The following TNR variants were observed in gnomAD, a reference collection of about 807,000 sequenced individuals.
TNR encodes tenascin-R.
In TNR, 45 loss-of-function variants were observed where a neutral mutation model predicts 150.4. That is an observed-to-expected ratio of 0.30 (90% CI 0.24 to 0.38). The LOEUF is 0.38. Among genes scored for constraint, TNR ranks in the 10% least tolerant of loss-of-function variants. TNR has a pLI of 1.00. For synonymous variants in TNR, 687 were observed against 678.4 expected (o/e 1.01, Z -0.20); for missense variants, 1,544 against 1,759.1 (o/e 0.88, Z 2.19).
intron 2 of TNR, among the ~76,000 whole-genome samples, chr1:175,416,736 C>T (rs988544678): frequency 6.6e-5 from 10 of 152,212 alleles, no homozygotes; most frequent in South Asian, 4.1e-4. Context: ...GGGCCGGGTG[C>T]GGTGGCTCAC....
At chr1:175,673,750 G>A (rs757234594) in intron 1 of TNR, among the ~76,000 whole-genome samples, 1 of 152,212 alleles carries the variant, frequency 6.6e-6, no homozygotes, top group African/African-American at 2.4e-5. Context: ...CTGCTGGTAC[G>A]GGAGGGTAGA....
intron 2 of TNR, among the ~76,000 whole-genome samples, chr1:175,444,467 T>G (rs1401353271): frequency 2.6e-5 from 4 of 152,204 alleles, no homozygotes; most frequent in Admixed American, 6.5e-5. Context: ...CTGGGTTCCT[T>G]ACTCCTTGGT....
At chr1:175,383,646 G>A (rs1418218675) in intron 8 of TNR, among the ~76,000 whole-genome samples, 1 of 152,208 alleles carries the variant, frequency 6.6e-6, no homozygotes, top group Non-Finnish European at 1.5e-5. Context: ...TTAATTGCCT[G>A]TGCAATTAGT....
intron 1 of TNR, among the ~76,000 whole-genome samples, chr1:175,548,721 G>T (rs1217883553): frequency 6.6e-6 from 1 of 151,444 alleles, no homozygotes; most frequent in Non-Finnish European, 1.5e-5. Context: ...GCACCCGACA[G>T]TGAAGGTTAG....
chr1:175,482,560 T>G (rs1400888668), intron 2 of TNR, among the ~76,000 whole-genome samples: 4 of 152,178 alleles, frequency 2.6e-5, no homozygotes, highest in Non-Finnish European at 5.9e-5. Context: ...GATTAAAGTT[T>G]ACTCAGCAAA....
At chr1:175,495,239 C>G (rs1031122034) in intron 2 of TNR, among the ~76,000 whole-genome samples, 5 of 152,172 alleles carry the variant, frequency 3.3e-5, no homozygotes, top group African/African-American at 1.2e-4. Context: ...TTACTCAGTG[C>G]AAAGAGCTAC....
intron 1 of TNR, among the ~76,000 whole-genome samples, chr1:175,705,364 A>G (rs1666817279): frequency 1.3e-5 from 2 of 152,332 alleles, no homozygotes; most frequent in Admixed American, 1.3e-4. Flanking sequence ...AAAAGGAAGA[A>G]AGACATTAAA....
chr1:175,342,287 A>G (rs556474840), intron 18 of TNR, among the ~76,000 whole-genome samples: 1 of 152,294 alleles, frequency 6.6e-6, no homozygotes, highest in South Asian at 2.1e-4. Flanking sequence ...GGGGCCCGGG[A>G]TAGGGCAAAG....
chr1:175,527,882 T>C (rs1249357262), intron 2 of TNR, among the ~76,000 whole-genome samples: 1 of 152,200 alleles, frequency 6.6e-6, no homozygotes, highest in Non-Finnish European at 1.5e-5. Flanking sequence ...GTTTTGGAAC[T>C]CCAGAAATTT....
rs1651223377 is a variant in TNR at position 175,354,481 on chromosome 1, C to T, written c.3292G>A (p.Gly1098Ser). The change falls in exon 18 of 23, where the codon GGC becomes AGC. Residue 1098 changes from glycine to serine, a missense_variant. Physicochemically the swap from Gly to Ser is moderately conservative, Grantham distance 56. Around this residue, in one of 2 missense-constraint regions of TNR, gnomAD observed 290 missense variants for 429.7 expected, o/e 0.67. Transcript: ENST00000367674. ...GTGTAGTCTGTGTTCTCCAACAGGC[C>T]CTCCAGTCGAATCCAGGTGTCTTCT... ...DAEDTWIRLEGLLENTDYTVL... is the reference protein window; with the variant it reads ...DAEDTWIRLESLLENTDYTVL... 2.5e-6 allele frequency: 4 copies of T among 1,613,968 alleles called. No individual in the cohort carries two copies. In the South Asian group the frequency reaches 3.3e-5, roughly 13 times the overall value.
chr1:175,402,764 T>C (rs1031059083), intron 4 of TNR, among the ~76,000 whole-genome samples: 15 of 152,276 alleles, frequency 9.9e-5, no homozygotes, highest in Middle Eastern at 3.4e-3. Context: ...GGTGGAACGC[T>C]TGGGATCCCT....
chr1:175,446,753 G>T (rs113416247), intron 2 of TNR, among the ~76,000 whole-genome samples: 1,955 of 152,290 alleles, frequency 0.013, 55 homozygotes, highest in African/African-American at 0.045. Flanking sequence ...GTCATGGTCA[G>T]CTGGAAAAAG....
chr1:175,605,488 G>A (rs1405224675), intron 1 of TNR, among the ~76,000 whole-genome samples: 2 of 152,110 alleles, frequency 1.3e-5, no homozygotes, highest in Non-Finnish European at 2.9e-5. Context: ...CATCAAAGGT[G>A]AACAAAAAAG....
chr1:175,376,859 AT>A (rs1019084017), intron 9 of TNR, among the ~76,000 whole-genome samples: 1 of 92,512 alleles, frequency 1.1e-5, no homozygotes, highest in African/African-American at 3.4e-5. Flanking sequence ...TAAATGTAAT[AT>A]TATATATATA....
At chr1:175,675,421 A>C (rs1452367525) in intron 1 of TNR, among the ~76,000 whole-genome samples, 1 of 152,210 alleles carries the variant, frequency 6.6e-6, no homozygotes, top group South Asian at 2.1e-4. Flanking sequence ...TATTGCATTC[A>C]TGACTCCCCT....
Position 175,596,295 on chromosome 1 carries a change from GGGTCCTTCTAGAA to G in TNR, c.-164-67939_-164-67927del, listed in dbSNP as rs976317811. On this transcript the variant is annotated intron_variant, in intron 1 of 22. Transcript: ENST00000367674. ...GAAGGAGCTGGAGCTGAGGAGTGGA[GGGTCCTTCTAGAA>G]GGTCCTCCAGTTCCCCCCACCCGTC... Among the ~76,000 whole-genome samples, 101 of 152,250 alleles carry G rather than the reference GGGTCCTTCTAGAA, an allele frequency of 6.6e-4. No homozygotes were observed. The Middle Eastern group carries it at 0.02, about 31-fold the overall frequency.
In TNR at chr1:175,515,390, C is replaced by T. The variant is rs141836847; in HGVS notation, c.-64+12879G>A. 3.9e-3 allele frequency among the ~76,000 whole-genome samples: 595 copies of T among 152,234 alleles called. 5 individuals are homozygous for T. The highest frequency in any genetic ancestry group is 0.012 in the East Asian group (61 of 5,178). On this transcript the variant is annotated intron_variant, in intron 2 of 22. Transcript: ENST00000367674. ...CCCTCAGATGCTAAGGAAACATGGGCGCCTAATTCAGTCTAGGTTTGGGGG... is the reference window on the plus strand; with the variant it reads ...CCCTCAGATGCTAAGGAAACATGGGTGCCTAATTCAGTCTAGGTTTGGGGG...
At chr1:175,635,019 G>C (rs967455946) in intron 1 of TNR, among the ~76,000 whole-genome samples, 2 of 152,152 alleles carry the variant, frequency 1.3e-5, no homozygotes, top group African/African-American at 4.8e-5. Context: ...CCTTTGTGGG[G>C]TGCTACAGAG....
At chr1:175,695,778 C>T (rs1179905897) in intron 1 of TNR, among the ~76,000 whole-genome samples, 4 of 152,230 alleles carry the variant, frequency 2.6e-5, no homozygotes, top group Admixed American at 2.0e-4. Context: ...CTTCAGAACA[C>T]TTTCCTAAGT....
Sources: gnomAD v4.1 joint callset for allele counts (sites outside exome capture counted in the v4.1 genomes callset) on GRCh38, gnomAD v4.1.1 for gene constraint, gnomAD v4.1.1 regional missense constraint, MANE v1.5 for transcripts, NCBI Gene and HGNC (gene_info 2026-07-23, HGNC 2026-07-21) for gene names.